HS6ST2: variants seen among roughly 807,000 people sequenced by gnomAD.
The protein encoded by HS6ST2 is heparan sulfate 6-O-sulfotransferase 2.
A neutral mutation model predicts 33.0 loss-of-function variants in HS6ST2; 17 were observed. The observed-to-expected ratio is 0.52, with a 90% CI of 0.35 to 0.77. The LOEUF is 0.77. Ranked by LOEUF, HS6ST2 falls within the 30% of genes least tolerant of loss-of-function variation. HS6ST2 has a pLI of 0.01. For missense variants in HS6ST2, 519 were observed against 551.7 expected, an observed-to-expected ratio of 0.94 and a Z score of 0.59; for synonymous variants, 248 against 237.1, an observed-to-expected ratio of 1.05 and a Z score of -0.42.
rs763961864 is a variant in HS6ST2, at chrX:132,937,418, A to C, written c.947+19390T>G. On this transcript the variant is annotated intron_variant, in intron 2 of 4. Transcript: ENST00000370833. ...TACTGAGCAAAAAGGACAACGCTGGAGGCAAGACACTACATGACTTCAAAT... is the reference window on the plus strand; with the variant it reads ...TACTGAGCAAAAAGGACAACGCTGGCGGCAAGACACTACATGACTTCAAAT... Among the ~76,000 whole-genome samples, 4 of 112,178 alleles carry C rather than the reference A, an allele frequency of 3.6e-5. No homozygotes were observed. In the East Asian group the frequency reaches 1.1e-3, roughly 31 times the overall value.
At chrX:132,668,537 C>G (rs1305596672) in intron 4 of HS6ST2, 1 of 111,547 alleles carries the variant, frequency 9.0e-6, no homozygotes, top group African/African-American at 3.3e-5. Context: ...CGCAAATATT[C>G]AGCCCATACA....
At chrX:132,814,803 T>C (rs2039940525) in intron 2 of HS6ST2, among the ~76,000 whole-genome samples, 1 of 112,144 alleles carries the variant, frequency 8.9e-6, no homozygotes, top group African/African-American at 3.2e-5. Flanking sequence ...GATGAACACA[T>C]ACAACACTTA....
chrX:132,863,264 C>A (rs983518531), intron 2 of HS6ST2, among the ~76,000 whole-genome samples: 1 of 111,636 alleles, frequency 9.0e-6, no homozygotes, highest in Non-Finnish European at 1.9e-5. Flanking sequence ...CAAACTATCA[C>A]GTTAGAGTTA....
At chrX:132,684,437 C>T (rs772970387) in intron 3 of HS6ST2, among the ~76,000 whole-genome samples, 1 of 109,056 alleles carries the variant, frequency 9.2e-6, no homozygotes, top group South Asian at 4.0e-4. Flanking sequence ...GCTGGGGATA[C>T]CACATTGGAA....
At chrX:132,670,329 G>A (rs985037490) in intron 3 of HS6ST2, among the ~76,000 whole-genome samples, 2 of 111,499 alleles carry the variant, frequency 1.8e-5, no homozygotes, top group African/African-American at 6.5e-5. Context: ...GTGGGCTGGG[G>A]GTCACAAAAG....
At chrX:132,761,739 T>C (rs2064807157) in intron 2 of HS6ST2, among the ~76,000 whole-genome samples, 2 of 112,068 alleles carry the variant, frequency 1.8e-5, no homozygotes, top group South Asian at 7.5e-4. Context: ...TTGGAGACAG[T>C]ATATTCATAG....
intron 2 of HS6ST2, among the ~76,000 whole-genome samples, chrX:132,798,618 G>A (rs1260879110): frequency 9.0e-6 from 1 of 111,672 alleles, no homozygotes; most frequent in Non-Finnish European, 1.9e-5. Context: ...ATTTTAAAGG[G>A]AAAAAAGGCT....
At chrX:132,644,647 G>A (rs2063627814) in intron 4 of HS6ST2, among the ~76,000 whole-genome samples, 1 of 111,162 alleles carries the variant, frequency 9.0e-6, no homozygotes, top group Non-Finnish European at 1.9e-5. Flanking sequence ...TCAACACAGG[G>A]CCCAGCACCT....
intron 4 of HS6ST2, among the ~76,000 whole-genome samples, chrX:132,650,741 A>ATCTCTCTCTCTC (rs3066707): frequency 0.03 from 2,633 of 87,281 alleles, 94 homozygotes; most frequent in African/African-American, 0.096. Flanking sequence ...CATAGGAGGG[A>ATCTCTCTCTCTC]TCTCTCTCTC....
At chrX:132,841,870 G>A (rs1359476775) in intron 2 of HS6ST2, among the ~76,000 whole-genome samples, 2 of 111,798 alleles carry the variant, frequency 1.8e-5, no homozygotes, top group Non-Finnish European at 3.8e-5. Flanking sequence ...ATAGAAATAG[G>A]TTAGTGAAAC....
chrX:132,797,336 G>C (rs1041619560), intron 2 of HS6ST2, among the ~76,000 whole-genome samples: 7 of 111,559 alleles, frequency 6.3e-5, no homozygotes, highest in African/African-American at 1.6e-4. Flanking sequence ...TATATTCCAA[G>C]TCAGATGAAA....
chrX:132,846,046 G>T (rs2065747605), intron 2 of HS6ST2, among the ~76,000 whole-genome samples: 1 of 111,160 alleles, frequency 9.0e-6, no homozygotes, highest in Non-Finnish European at 1.9e-5. Flanking sequence ...AATAAGTGTG[G>T]TTGCGTTCTG....
chrX:132,952,282 C>A (rs189027165), intron 2 of HS6ST2, among the ~76,000 whole-genome samples: 88 of 111,776 alleles, frequency 7.9e-4, no homozygotes, highest in African/African-American at 2.8e-3. Context: ...TGGTAGATTT[C>A]TCCCCCTCTT....
At chrX:132,951,802 G>T (rs1038254327) in intron 2 of HS6ST2, among the ~76,000 whole-genome samples, 3 of 112,143 alleles carry the variant, frequency 2.7e-5, no homozygotes, top group Non-Finnish European at 5.6e-5. Context: ...CAACATAACA[G>T]ATGGACTTTT....
intron 3 of HS6ST2, among the ~76,000 whole-genome samples, chrX:132,689,967 G>A (rs1268295639): frequency 9.1e-6 from 1 of 110,497 alleles, no homozygotes; most frequent in East Asian, 2.8e-4. Flanking sequence ...TTCTTCCAAT[G>A]TGACCCAGGG....
intron 2 of HS6ST2, among the ~76,000 whole-genome samples, chrX:132,882,619 C>T (rs2066190423): frequency 9.3e-6 from 1 of 107,253 alleles, no homozygotes; most frequent in Non-Finnish European, 1.9e-5. Context: ...CCCTTTATTT[C>T]CTTCTCCTGC....
At chrX:132,812,629 A>C (rs1311433536) in intron 2 of HS6ST2, among the ~76,000 whole-genome samples, 1 of 107,938 alleles carries the variant, frequency 9.3e-6, no homozygotes, top group Non-Finnish European at 1.9e-5. Context: ...ATTTAAATAA[A>C]GTAGGTTTTT....
At chrX:132,799,829 T>G (rs1038405964) in intron 2 of HS6ST2, among the ~76,000 whole-genome samples, 1 of 111,649 alleles carries the variant, frequency 9.0e-6, no homozygotes, top group African/African-American at 3.3e-5. Flanking sequence ...ATTATGGAGG[T>G]GATTCAATGA....
intron 2 of HS6ST2, among the ~76,000 whole-genome samples, chrX:132,786,917 C>T (rs938602753): frequency 4.6e-5 from 5 of 107,619 alleles, no homozygotes; most frequent in Non-Finnish European, 9.6e-5. Context: ...CCACCCCTCC[C>T]GGCCTATTTC....
Sources: allele counts gnomAD v4.1 joint callset (sites outside exome capture counted in the v4.1 genomes callset), GRCh38; gene constraint gnomAD v4.1.1; transcripts MANE v1.5; gene names NCBI Gene and HGNC (gene_info 2026-07-23, HGNC 2026-07-21).